Variants in C2CD2 observed in about 807,000 individuals in gnomAD.
C2CD2 encodes the protein C2 calcium dependent domain containing 2.
Under a neutral mutation model 74.3 loss-of-function variants are expected in C2CD2, and 43 were observed. The ratio of observed to expected loss-of-function variants is 0.58; its 90% CI spans 0.45 to 0.75. The LOEUF (loss-of-function observed/expected upper bound fraction) is 0.75, where lower values mean the gene tolerates loss of function less well. Ranked by LOEUF, C2CD2 falls within the 30% of genes least tolerant of loss-of-function variation. The pLI is 0.00. For missense variants in C2CD2, 801 were observed against 916.3 expected (o/e 0.87, Z 1.63); for synonymous variants, 422 against 390.7 (o/e 1.08, Z -0.94).
Position 41,926,148 on chromosome 21 carries a change from G to A in C2CD2, c.379-4063C>T, listed in dbSNP as rs946954693. Among the ~76,000 whole-genome samples the A allele has an allele frequency of 6.6e-6, 1 of 152,192 alleles. No homozygotes were observed. Among genetic ancestry groups the A allele is most frequent in the Non-Finnish European group, 1.5e-5 (1 of 68,044 alleles). On this transcript the variant is annotated intron_variant, in intron 2 of 13. Coordinates refer to ENST00000380486, the MANE Select transcript of C2CD2 (RefSeq NM_015500.2). The surrounding 1 kb of genome is among the most constrained non-coding windows in gnomAD (Gnocchi z 8.0). ...CAGGGAAGAACTCCACAGAGCCCAG[G>A]TCTGCATCTGCAGGAGCGAGCTCCC...
intron 8 of C2CD2, among the ~76,000 whole-genome samples, chr21:41,908,973 A>C (rs1206677165): frequency 6.6e-6 from 1 of 151,142 alleles, no homozygotes; most frequent in African/African-American, 2.4e-5. Context: ...AAATTCATAC[A>C]GGCAGTAGAG....
In C2CD2 at chr21:41,892,526, G is replaced by A. The variant is rs558110208; in HGVS notation, c.1871-3182C>T. 3.9e-5 allele frequency among the ~76,000 whole-genome samples: 6 copies of A among 152,338 alleles called. No individual in the cohort carries two copies. Among genetic ancestry groups the A allele is most frequent in the Non-Finnish European group, 8.8e-5 (6 of 68,026 alleles). On this transcript the variant is annotated intron_variant, in intron 13 of 13. Transcript: ENST00000380486. This position sits in a 1 kb window ranked among gnomAD's most constrained non-coding sequence, Gnocchi z 4.6. Reference sequence around the variant, plus strand: ...AGAACCCAGGCAGCAACATGGAGGAGTGGAGGCGGAGAGGACAGTGAAGCA... The same window carrying A: ...AGAACCCAGGCAGCAACATGGAGGAATGGAGGCGGAGAGGACAGTGAAGCA...
At chr21:41,949,390 G>C (rs1276950013) in intron 1 of C2CD2, among the ~76,000 whole-genome samples, 1 of 152,194 alleles carries the variant, frequency 6.6e-6, no homozygotes, top group Non-Finnish European at 1.5e-5. Context: ...CCAGTTCTGG[G>C]ATCTTCTGTT....
chr21:41,910,770 T>A (rs2065017441), intron 7 of C2CD2, among the ~76,000 whole-genome samples: 1 of 152,244 alleles, frequency 6.6e-6, no homozygotes, highest in Non-Finnish European at 1.5e-5. Context: ...TTATGATTAA[T>A]TTTAATACTT....
chr21:41,890,370 GA>G (rs1285752348), intron 13 of C2CD2, among the ~76,000 whole-genome samples: 1 of 152,120 alleles, frequency 6.6e-6, no homozygotes, highest in Non-Finnish European at 1.5e-5. Flanking sequence ...ATACGGAATA[GA>G]AAAAAATTAG....
In C2CD2 at chr21:41,947,797, A is replaced by G. The variant is rs1326112575; in HGVS notation, c.280-5552T>C. Among the ~76,000 whole-genome samples, 3 of 152,148 alleles carry G rather than the reference A, an allele frequency of 2.0e-5. No homozygotes were observed. The South Asian group carries it at 6.2e-4, about 32-fold the overall frequency. On this transcript the variant is annotated intron_variant, in intron 1 of 13. Transcript: ENST00000380486. ...TTTCCCTTCTGCAGATGATGCACAG[A>G]GACTCTCCCAGGATCGCACAGCTAG...
At chr21:41,940,571 A>C (rs1004123767) in intron 2 of C2CD2, among the ~76,000 whole-genome samples, 3 of 152,222 alleles carry the variant, frequency 2.0e-5, no homozygotes, top group African/African-American at 7.2e-5. Context: ...TCATACAGCA[A>C]CACAGGTAAC....
At chr21:41,914,744 A>AT in intron 5 of C2CD2, 23 bp from the exon 6 acceptor site, 1 of 1,607,924 alleles carries the variant, frequency 6.2e-7, no homozygotes, top group Non-Finnish European at 8.5e-7. Flanking sequence ...AGAGCACTTT[A>AT]TTTTTGGTCT....
At chr21:41,906,863 C>T in intron 10 of C2CD2, 129 bp downstream of exon 10, 1 of 655,148 alleles carries the variant, frequency 1.5e-6, no homozygotes, top group Middle Eastern at 4.3e-4. Context: ...CAATTAGCAC[C>T]CTTCCTGTGC....
Position 41,939,579 on chromosome 21 carries a change from A to C in C2CD2, c.378+2568T>G, listed in dbSNP as rs1297374044. Among the ~76,000 whole-genome samples the C allele has an allele frequency of 1.3e-5, 2 of 152,192 alleles. No individual in the cohort carries two copies. The highest frequency in any genetic ancestry group is 1.9e-4 in the East Asian group (1 of 5,194). On this transcript the variant is annotated intron_variant, in intron 2 of 13. Transcript: ENST00000380486. This position sits in a 1 kb window ranked among gnomAD's most constrained non-coding sequence, Gnocchi z 5.5. ...TCTGCACCTCAGCTCCCAAGAGTAT[A>C]AAATGGGCACTGGAGCACCTGCCGC...
intron 7 of C2CD2, among the ~76,000 whole-genome samples, chr21:41,910,589 T>C (rs1428263485): frequency 6.6e-6 from 1 of 152,210 alleles, no homozygotes; most frequent in African/African-American, 2.4e-5. Flanking sequence ...TTTCAGAAGT[T>C]TATGGCCATT....
chr21:41,898,299 C>T (rs769163042), intron 13 of C2CD2, among the ~76,000 whole-genome samples: 20 of 152,072 alleles, frequency 1.3e-4, no homozygotes, highest in Non-Finnish European at 1.9e-4. Context: ...GTCAGGTGGG[C>T]GCAGGCAGCG....
rs981129587 is a variant in C2CD2 at position 41,903,880 on chromosome 21, G to T, written c.1432+1844C>A. On this transcript the variant is annotated intron_variant, in intron 11 of 13. Transcript: ENST00000380486. The surrounding 1 kb of genome is among the most constrained non-coding windows in gnomAD (Gnocchi z 4.5). ...GTGACAGGACCCCGCAGCATGGGCA[G>T]TGGGGGCACTGCCAGGGGAAGAAAC... Among the ~76,000 whole-genome samples, 5 of 152,330 alleles carry T rather than the reference G, an allele frequency of 3.3e-5. No individual in the cohort carries two copies. Among genetic ancestry groups the T allele is most frequent in the Non-Finnish European group, 5.9e-5 (4 of 68,028 alleles).
At chr21:41,919,119 C>T (rs557500507) in intron 3 of C2CD2, 159 bp from the exon 4 acceptor site, 14 of 632,308 alleles carry the variant, frequency 2.2e-5, no homozygotes, top group Admixed American at 7.3e-5. Flanking sequence ...TGCGTGTATG[C>T]GCATGTGTGC....
At chr21:41,904,199 A>G (rs2064933381) in intron 11 of C2CD2, among the ~76,000 whole-genome samples, 1 of 152,234 alleles carries the variant, frequency 6.6e-6, no homozygotes, top group Non-Finnish European at 1.5e-5. Flanking sequence ...CACTGAGGAT[A>G]ACGCATTAGC....
chr21:41,942,752 G>T (rs1201754079), intron 1 of C2CD2, among the ~76,000 whole-genome samples: 1 of 152,038 alleles, frequency 6.6e-6, no homozygotes. Context: ...ATTACTTAGG[G>T]TGCCCCCCAT....
chr21:41,905,970 T>C (rs399841), intron 10 of C2CD2, 133 bp from the exon 11 acceptor site: 126,650 of 681,414 alleles, frequency 0.19, 16,665 homozygotes, highest in African/African-American at 0.49. Context: ...TAACGAAAGC[T>C]GTTTTGAGGG....
In C2CD2 at chr21:41,901,660, G is replaced by A. The variant is rs777276877; in HGVS notation, c.1522C>T (p.Arg508Trp). The change falls in exon 12 of 14, where the codon CGG (arginine) becomes TGG (tryptophan). Residue 508 changes from arginine (R) to tryptophan (W), a missense_variant. By Grantham distance (101) the Arg-to-Trp change is moderately radical. Coordinates refer to ENST00000380486, the MANE Select transcript of C2CD2 (RefSeq NM_015500.2). ...ESSKLKLKSP[R>W]KKSTIIISGI... ...GATATGATAATAGTGCTTTTCTTCC[G>A]TGGCGACTTGAGTTTCAGCTTTGAA... is the stretch of plus-strand genomic sequence containing the variant. 2.1e-5 allele frequency: 34 copies of A among 1,614,006 alleles called. No homozygotes were observed. In the Admixed American group the frequency reaches 2.3e-4, roughly 11 times the overall value.
intron 2 of C2CD2, 37 bp from the exon 3 acceptor site, chr21:41,922,122 A>G (rs1040074269): frequency 7.9e-7 from 1 of 1,271,300 alleles, no homozygotes; most frequent in Non-Finnish European, 1.1e-6. Context: ...AACTGTATCC[A>G]AAACAAAGGA....
Sources: gnomAD v4.1 joint callset for allele counts (sites outside exome capture counted in the v4.1 genomes callset) on GRCh38, gnomAD v4.1.1 for gene constraint, Gnocchi (gnomAD v3.1) non-coding constraint, MANE v1.5 for transcripts, NCBI Gene and HGNC (gene_info 2026-07-23, HGNC 2026-07-21) for gene names.